The following KHDRBS2 variants were observed in gnomAD, a reference collection of about 807,000 sequenced individuals.
KHDRBS2 encodes the protein KH domain-containing, RNA-binding, signal transduction-associated protein 2.
Under a neutral mutation model 44.3 loss-of-function variants are expected in KHDRBS2, and 26 were observed. The ratio of observed to expected loss-of-function variants is 0.59; its 90% confidence interval spans 0.43 to 0.81. The LOEUF is 0.81. Ranked by LOEUF, KHDRBS2 falls within the 40% of genes least tolerant of loss-of-function variation. The pLI, the probability that KHDRBS2 is intolerant of heterozygous loss-of-function variation, is 0.00. For synonymous variants in KHDRBS2, 194 were observed against 151.1 expected, an observed-to-expected ratio of 1.28 and a Z score of -2.08; for missense variants, 476 against 433.1, an observed-to-expected ratio of 1.10 and a Z score of -0.88.
intron 2 of KHDRBS2, among the ~76,000 whole-genome samples, chr6:62,057,453 G>T (rs1790550451): frequency 6.6e-6 from 1 of 151,944 alleles, no homozygotes; most frequent in African/African-American, 2.4e-5. Flanking sequence ...CAACACAAAA[G>T]TTGTTCTACT....
intron 2 of KHDRBS2, among the ~76,000 whole-genome samples, chr6:62,107,425 T>C (rs1803705213): frequency 6.6e-6 from 1 of 152,144 alleles, no homozygotes; most frequent in South Asian, 2.1e-4. Context: ...TACAAACCAC[T>C]GCTCAGTGAA....
At chr6:61,847,058 T>G (rs976166827) in intron 6 of KHDRBS2, among the ~76,000 whole-genome samples, 32 of 152,114 alleles carry the variant, frequency 2.1e-4, no homozygotes, top group Non-Finnish European at 4.4e-4. Flanking sequence ...TTATTTTATT[T>G]AAAGTATATT....
rs569446388 is a variant in KHDRBS2, at chr6:61,980,972, T to A, written c.337-2760A>T. Among the ~76,000 whole-genome samples, 3 of 152,294 alleles carry A rather than the reference T, an allele frequency of 2.0e-5. No homozygotes were observed. The South Asian group carries it at 6.2e-4, about 32-fold the overall frequency. Reference sequence around the variant, plus strand: ...CACGTCAGAGTGAACATGGGATGTATGTTATACACATGTTTACCCACTGGG... The same window carrying A: ...CACGTCAGAGTGAACATGGGATGTAAGTTATACACATGTTTACCCACTGGG... On this transcript the variant is annotated intron_variant, in intron 3 of 8. Transcript: ENST00000281156.
rs376800643 is a variant in KHDRBS2, at chr6:61,755,434, AAAAC to A, written c.811-22674_811-22671del. Reference sequence around the variant, plus strand: ...AAGTTCATCAAAACTAGTCTGCAGAAAAACAAAGCTTATCAGAAAATTGAACTGC... The same window carrying A: ...AAGTTCATCAAAACTAGTCTGCAGAAAAAGCTTATCAGAAAATTGAACTGC... On this transcript the variant is annotated intron_variant, in intron 6 of 8. Coordinates refer to ENST00000281156, the MANE Select transcript of KHDRBS2 (RefSeq NM_152688.4). Among the ~76,000 whole-genome samples, 248 of 152,238 alleles carry A rather than the reference AAAAC, an allele frequency of 1.6e-3. 2 individuals carry two copies. Among genetic ancestry groups the A allele is most frequent in the African/African-American group, 5.8e-3 (242 of 41,544 alleles).
the KHDRBS2 span, among the ~76,000 whole-genome samples, chr6:61,639,621 C>A: frequency 1.3e-5 from 2 of 151,982 alleles, no homozygotes; most frequent in Non-Finnish European, 2.9e-5. Context: ...GTCATGTTGT[C>A]ATTTTATTTG....
the KHDRBS2 span, among the ~76,000 whole-genome samples, chr6:61,618,784 G>T: frequency 6.6e-6 from 1 of 152,024 alleles, no homozygotes; most frequent in East Asian, 1.9e-4. Context: ...CCATCCATGT[G>T]CCTGCAAAGG....
chr6:62,049,956 C>A (rs908062154), intron 2 of KHDRBS2, among the ~76,000 whole-genome samples: 2 of 151,956 alleles, frequency 1.3e-5, no homozygotes, highest in Non-Finnish European at 2.9e-5. Flanking sequence ...ACCCAAAGAT[C>A]TACAAAGCAT....
intron 6 of KHDRBS2, among the ~76,000 whole-genome samples, chr6:61,879,902 G>T (rs1362659822): frequency 1.3e-5 from 2 of 151,662 alleles, no homozygotes; most frequent in Non-Finnish European, 2.9e-5. Flanking sequence ...GTGAAAATTT[G>T]AAATGTTAGC....
intron 2 of KHDRBS2, among the ~76,000 whole-genome samples, chr6:62,105,782 T>G (rs1191191398): frequency 6.6e-6 from 1 of 152,132 alleles, no homozygotes; most frequent in African/African-American, 2.4e-5. Flanking sequence ...TTTCCTTCAG[T>G]TCTGCTCTGA....
the KHDRBS2 span, among the ~76,000 whole-genome samples, chr6:61,593,888 C>T: frequency 6.6e-6 from 1 of 152,102 alleles, no homozygotes; most frequent in African/African-American, 2.4e-5. Context: ...GTTAATCTTT[C>T]TCCAAGTCTA....
the KHDRBS2 span, among the ~76,000 whole-genome samples, chr6:61,655,608 C>A: frequency 6.6e-6 from 1 of 151,926 alleles, no homozygotes; most frequent in Non-Finnish European, 1.5e-5. Flanking sequence ...ACCAGAAGGG[C>A]AATGGGAAAA....
chr6:62,096,697 T>TA (rs1800683511), intron 2 of KHDRBS2, among the ~76,000 whole-genome samples: 1 of 151,906 alleles, frequency 6.6e-6, no homozygotes, highest in South Asian at 2.1e-4. Flanking sequence ...TGTATAGATT[T>TA]AAAAAATCTC....
At chr6:62,012,676 C>T (rs993215657) in intron 3 of KHDRBS2, among the ~76,000 whole-genome samples, 1 of 152,160 alleles carries the variant, frequency 6.6e-6, no homozygotes. Context: ...GAGTGCACTT[C>T]TGACCCTCAC....
intron 1 of KHDRBS2, among the ~76,000 whole-genome samples, chr6:62,247,879 C>T (rs1835874210): frequency 1.3e-5 from 2 of 151,800 alleles, no homozygotes; most frequent in Non-Finnish European, 2.9e-5. Flanking sequence ...CAGAGAATAT[C>T]TCCATTTTTT....
intron 1 of KHDRBS2, among the ~76,000 whole-genome samples, chr6:62,211,712 T>C (rs909764777): frequency 2.6e-5 from 4 of 152,160 alleles, no homozygotes; most frequent in African/African-American, 7.2e-5. Flanking sequence ...TTGGTGGGAA[T>C]GTAAATTAGT....
intron 3 of KHDRBS2, among the ~76,000 whole-genome samples, chr6:61,994,980 C>T (rs903080471): frequency 4.0e-5 from 6 of 151,822 alleles, no homozygotes; most frequent in South Asian, 2.1e-4. Context: ...AGAAAGCCCG[C>T]GTGGCTTGAG....
the KHDRBS2 span, among the ~76,000 whole-genome samples, chr6:61,580,822 C>G: frequency 6.6e-6 from 1 of 152,130 alleles, no homozygotes; most frequent in Non-Finnish European, 1.5e-5. Context: ...TCTAGATGCA[C>G]CATCTTTAAG....
At chr6:61,542,701 G>A in the KHDRBS2 span, among the ~76,000 whole-genome samples, 1 of 151,870 alleles carries the variant, frequency 6.6e-6, no homozygotes, top group Non-Finnish European at 1.5e-5. Flanking sequence ...AAATCAGAGT[G>A]TTTATTATTT....
At chr6:62,056,716 A>G (rs1324492441) in intron 2 of KHDRBS2, among the ~76,000 whole-genome samples, 1 of 151,986 alleles carries the variant, frequency 6.6e-6, no homozygotes, top group Non-Finnish European at 1.5e-5. Flanking sequence ...CCCTTTATTG[A>G]TGACAGTAAA....
Sources: allele counts gnomAD v4.1 joint callset (sites outside exome capture counted in the v4.1 genomes callset), GRCh38; gene constraint gnomAD v4.1.1; transcripts MANE v1.5; gene names NCBI Gene and HGNC (gene_info 2026-07-23, HGNC 2026-07-21).